RFTN1: variants seen among roughly 807,000 people sequenced by gnomAD.
RFTN1 encodes raftlin.
Under a neutral mutation model 46.5 loss-of-function variants are expected in RFTN1, and 26 were observed. That is an observed-to-expected ratio of 0.56 (90% confidence interval 0.41 to 0.78). The LOEUF (loss-of-function observed/expected upper bound fraction) is 0.78, where lower values mean the gene tolerates loss of function less well. Among genes scored for constraint, RFTN1 ranks in the 30% least tolerant of loss-of-function variants. RFTN1 has a pLI of 0.00. For synonymous variants in RFTN1, 261 were observed against 284.2 expected (o/e 0.92, Z 0.82); for missense variants, 693 against 718.7 (o/e 0.96, Z 0.41).
chr3:16,410,644 C>T lies in RFTN1; in HGVS notation c.333-1161G>A, dbSNP rs1027332806. Among the ~76,000 whole-genome samples, 2 of 152,192 alleles carry T rather than the reference C, an allele frequency of 1.3e-5. No homozygotes were observed. Among genetic ancestry groups the T allele is most frequent in the South Asian group, 2.1e-4 (1 of 4,816 alleles). ...ACTAAAAGAAATTCTGGGAAAACAG[C>T]GTGGGTGTAAACGGCTGTCTGAGGT... is the stretch of plus-strand genomic sequence containing the variant. On this transcript the variant is annotated intron_variant, in intron 3 of 9. Coordinates refer to ENST00000334133, the MANE Select transcript of RFTN1 (RefSeq NM_015150.2). This position sits in a 1 kb window ranked among gnomAD's most constrained non-coding sequence, Gnocchi z 4.6.
rs1379527355 is a variant in RFTN1, at chr3:16,345,852, G to A, written c.1146+12080C>T. ...CGTGCGCGCACGCGCACATGTGCAT[G>A]TGTATGTGTATAATCTCCTACTGGT... On this transcript the variant is annotated intron_variant, in intron 7 of 9. Coordinates refer to ENST00000334133, the MANE Select transcript of RFTN1 (RefSeq NM_015150.2). The surrounding 1 kb of genome is among the most constrained non-coding windows in gnomAD (Gnocchi z 5.2). Among the ~76,000 whole-genome samples the A allele has an allele frequency of 2.1e-4, 8 of 38,670 alleles. No homozygotes were observed. Among genetic ancestry groups the A allele is most frequent in the African/African-American group, 1.4e-3 (8 of 5,674 alleles). 25.4% of individuals were successfully genotyped at this position (38,670 alleles called of 152,430 possible).
At chr3:16,350,370 T>C (rs1343145708) in intron 7 of RFTN1, 2 of 152,220 alleles carry the variant, frequency 1.3e-5, no homozygotes, top group Admixed American at 6.5e-5. Flanking sequence ...GAGATGGACA[T>C]GAAGTATGAA....
chr3:16,318,407 G>A (rs1181203149), intron 9 of RFTN1, among the ~76,000 whole-genome samples: 3 of 152,172 alleles, frequency 2.0e-5, no homozygotes, highest in Non-Finnish European at 4.4e-5. Flanking sequence ...GAGGAGCCCA[G>A]GAATGCAGTT....
In RFTN1 at chr3:16,373,678, T is replaced by C. The variant is rs2073619392; in HGVS notation, c.827-3399A>G. The stretch of plus-strand genomic sequence containing the variant: ...AAAGAGTTTAGAGCCTGGGTGAAAA[T>C]CTGGGGCTCCAAGGGCTAGATGTGG... On this transcript the variant is annotated intron_variant, in intron 5 of 9. Transcript: ENST00000334133. Among the ~76,000 whole-genome samples, 5 of 152,104 alleles carry C rather than the reference T, an allele frequency of 3.3e-5. No individual in the cohort carries two copies. In the South Asian group the frequency reaches 1.0e-3, roughly 32 times the overall value.
rs912352044 is a variant in RFTN1 at position 16,491,741 on chromosome 3, C to T, written c.145+1984G>A. On this transcript the variant is annotated intron_variant, in intron 2 of 9. Coordinates refer to ENST00000334133, the MANE Select transcript of RFTN1 (RefSeq NM_015150.2). Reference sequence around the variant, plus strand: ...CGTCATAATGAAAAACACATAACCACGATGCAAAAAACAAACAAACAAACA... The same window carrying T: ...CGTCATAATGAAAAACACATAACCATGATGCAAAAAACAAACAAACAAACA... 8.0e-5 allele frequency among the ~76,000 whole-genome samples: 12 copies of T among 150,930 alleles called. No individual in the cohort carries two copies. The South Asian group carries it at 1.3e-3, about 16-fold the overall frequency.
intron 7 of RFTN1, chr3:16,339,274 C>G (rs2071143776): frequency 6.6e-6 from 1 of 152,292 alleles, no homozygotes; most frequent in Non-Finnish European, 1.5e-5. Context: ...ATGGCTACCA[C>G]AATTCTCACT....
At position 16,433,927 on chromosome 3, in the gene RFTN1, C is replaced by A; in HGVS notation, c.256G>T (p.Val86Leu). ...TTCTCCCGCTCATGGGTGGGCTGCA[C>A]GAAGGGGTGCAGGGCCGCCAGCGAG... The part of the protein sequence containing the change: ...GFSLAALHPF[V>L]QPTHEREKTP... Residue 86 changes from valine to leucine, a missense_variant, in exon 3 of 10, where the codon GTG (valine) becomes TTG (leucine). Transcript: ENST00000334133. This position sits in a 1 kb window ranked among gnomAD's most constrained non-coding sequence, Gnocchi z 4.4. 6.2e-7 allele frequency: 1 copy of A among 1,614,158 alleles called. No individual in the cohort carries two copies. The highest frequency in any genetic ancestry group is 8.5e-7 in the Non-Finnish European group (1 of 1,180,018).
rs556731501 is a variant in RFTN1, at chr3:16,317,388, G to A, written c.1333-156C>T. Among the ~76,000 whole-genome samples the A allele has an allele frequency of 1.2e-3, 186 of 151,506 alleles. 5 individuals carry two copies. The South Asian group carries it at 0.037, about 30-fold the overall frequency. On this transcript the variant is annotated intron_variant, in intron 9 of 9. Transcript: ENST00000334133. This position sits in a 1 kb window ranked among gnomAD's most constrained non-coding sequence, Gnocchi z 4.3. ...GCAGTACAGGCACCAAACTTGAATC[G>A]CACACTATCACATCACACCCACCCC...
At chr3:16,372,479 C>T (rs1424974918) in intron 5 of RFTN1, among the ~76,000 whole-genome samples, 1 of 152,114 alleles carries the variant, frequency 6.6e-6, no homozygotes, top group Non-Finnish European at 1.5e-5. Flanking sequence ...TGGGCCATAG[C>T]ACCACTCGCT....
intron 4 of RFTN1, among the ~76,000 whole-genome samples, chr3:16,388,403 G>T (rs1381120592): frequency 6.6e-6 from 1 of 152,222 alleles, no homozygotes; most frequent in African/African-American, 2.4e-5. Context: ...AGTATCTGAG[G>T]TTACCCCCAA....
chr3:16,464,653 A>C (rs1049733462), intron 2 of RFTN1, among the ~76,000 whole-genome samples: 3 of 152,272 alleles, frequency 2.0e-5, no homozygotes, highest in African/African-American at 7.2e-5. Flanking sequence ...TATGGCCCAC[A>C]GGCCAAGTCC....
intron 2 of RFTN1, among the ~76,000 whole-genome samples, chr3:16,491,668 T>C (rs1341594689): frequency 1.3e-5 from 2 of 152,038 alleles, no homozygotes; most frequent in African/African-American, 4.8e-5. Context: ...AAGCACTGCA[T>C]GGAAACTTCA....
rs140312670 is a variant in RFTN1, at chr3:16,353,566, G to A, written c.1146+4366C>T. 4.0e-3 allele frequency among the ~76,000 whole-genome samples: 616 copies of A among 152,282 alleles called. 5 individuals are homozygous for A. The highest frequency in any genetic ancestry group is 0.03 in the East Asian group (154 of 5,186). The stretch of plus-strand genomic sequence containing the variant: ...TCTTGGGCCCCATCTCAGAGCCACC[G>A]TTAAAGACTAAATGTTTTCTATCCT... On this transcript the variant is annotated intron_variant, in intron 7 of 9. Transcript: ENST00000334133. The surrounding 1 kb of genome is among the most constrained non-coding windows in gnomAD (Gnocchi z 5.4).
Position 16,493,817 on chromosome 3 carries a change from T to C in RFTN1, c.53A>G (p.Asn18Ser), listed in dbSNP as rs770438477. Residue 18 changes from asparagine to serine, a missense_variant, in exon 2 of 10, where the codon AAT (asparagine) becomes AGT (serine). Transcript: ENST00000334133. ...AGGCCTCTTCAAAGTTGAATAAATA[T>C]TCCCAGGCCGTTTTTCATCACGTTT... ...LEKRDEKRPG[N>S]IYSTLKRPQV... 6.2e-7 allele frequency: 1 copy of C among 1,614,148 alleles called. No individual in the cohort carries two copies. Among genetic ancestry groups the C allele is most frequent in the South Asian group, 1.1e-5 (1 of 91,072 alleles).
Position 16,407,007 on chromosome 3 carries a change from G to A in RFTN1, c.441+2368C>T, listed in dbSNP as rs1575241345. On this transcript the variant is annotated intron_variant, in intron 4 of 9. Transcript: ENST00000334133. This position sits in a 1 kb window ranked among gnomAD's most constrained non-coding sequence, Gnocchi z 4.0. Reference sequence around the variant, plus strand: ...TTCAGGGCATAAAAACCCTAACTTTGAGGGCCTTTCCCACTGGACAGATGG... The same window carrying A: ...TTCAGGGCATAAAAACCCTAACTTTAAGGGCCTTTCCCACTGGACAGATGG... 6.6e-6 allele frequency among the ~76,000 whole-genome samples: 1 copy of A among 152,288 alleles called. No homozygotes were observed. The highest frequency in any genetic ancestry group is 1.9e-4 in the East Asian group (1 of 5,188).
At chr3:16,395,554 AC>A (rs1005011768) in intron 4 of RFTN1, among the ~76,000 whole-genome samples, 17 of 151,714 alleles carry the variant, frequency 1.1e-4, no homozygotes, top group African/African-American at 4.1e-4. Context: ...CAAGAGATCC[AC>A]CCCCCTCGGC....
rs1322039471 is a variant in RFTN1, at chr3:16,335,717, A to G, written c.1147-8841T>C. Among the ~76,000 whole-genome samples, 3 of 151,610 alleles carry G rather than the reference A, an allele frequency of 2.0e-5. No homozygotes were observed. The highest frequency in any genetic ancestry group is 4.4e-5 in the Non-Finnish European group (3 of 67,960). On this transcript the variant is annotated intron_variant, in intron 7 of 9. Coordinates refer to ENST00000334133, the MANE Select transcript of RFTN1 (RefSeq NM_015150.2). The surrounding 1 kb of genome is among the most constrained non-coding windows in gnomAD (Gnocchi z 4.7). ...TAGCCTGATCTGAGCAGCAACACAC[A>G]TGGCACACGTTTACCTATGTAACAA...
At chr3:16,434,865 T>C (rs915896031) in intron 2 of RFTN1, 1 of 152,058 alleles carries the variant, frequency 6.6e-6, no homozygotes, top group African/African-American at 2.4e-5. Context: ...ACGGGAAAAA[T>C]ATATGAATAG....
chr3:16,382,742 T>C lies in RFTN1; in HGVS notation c.442-4640A>G, dbSNP rs547349256. Among the ~76,000 whole-genome samples the C allele has an allele frequency of 9.9e-5, 15 of 152,264 alleles. No homozygotes were observed. The South Asian group carries it at 3.1e-3, about 32-fold the overall frequency. On this transcript the variant is annotated intron_variant, in intron 4 of 9. Coordinates refer to ENST00000334133, the MANE Select transcript of RFTN1 (RefSeq NM_015150.2). This position sits in a 1 kb window ranked among gnomAD's most constrained non-coding sequence, Gnocchi z 4.7. ...TGTCTGTTCACCACACCCTACCACA[T>C]TTATCCCCCAGTGTTTCTGGAATTA...
Sources: gnomAD v4.1 joint callset for allele counts (sites outside exome capture counted in the v4.1 genomes callset) on GRCh38, gnomAD v4.1.1 for gene constraint, Gnocchi (gnomAD v3.1) non-coding constraint, MANE v1.5 for transcripts, NCBI Gene and HGNC (gene_info 2026-07-23, HGNC 2026-07-21) for gene names.